Variants in VPS13B observed in about 807,000 individuals in gnomAD.
The protein encoded by VPS13B is vacuolar protein sorting 13 homolog B.
A neutral mutation model predicts 426.4 loss-of-function variants in VPS13B; 285 were observed. The ratio of observed to expected loss-of-function variants is 0.67; its 90% CI spans 0.61 to 0.74. The LOEUF (loss-of-function observed/expected upper bound fraction) is 0.74, where lower values mean the gene tolerates loss of function less well. Ranked by LOEUF, VPS13B falls within the 30% of genes least tolerant of loss-of-function variation. The pLI, the probability that VPS13B is intolerant of heterozygous loss-of-function variation, is 0.00. For missense variants in VPS13B, 4,537 were observed against 4,782.6 expected, an observed-to-expected ratio of 0.95 and a Z score of 1.51; for synonymous variants, 1,676 against 1,676.4, an observed-to-expected ratio of 1.00 and a Z score of 0.01.
intron 19 of VPS13B, among the ~76,000 whole-genome samples, chr8:99,382,336 T>C (rs1813859557): frequency 6.6e-6 from 1 of 152,158 alleles, no homozygotes; most frequent in African/African-American, 2.4e-5. Flanking sequence ...TATGAATTTT[T>C]AAATAGTTTT....
intron 25 of VPS13B, among the ~76,000 whole-genome samples, chr8:99,492,350 C>T (rs1393384776): frequency 6.6e-6 from 1 of 152,216 alleles, no homozygotes; most frequent in Non-Finnish European, 1.5e-5. Context: ...GGCAGTCTGT[C>T]CGTTCTCAGA....
chr8:99,643,578 AG>A (rs1057321825), intron 34 of VPS13B, among the ~76,000 whole-genome samples: 6 of 152,216 alleles, frequency 3.9e-5, no homozygotes, highest in Admixed American at 3.3e-4. Context: ...GGAGTAACCT[AG>A]GGTTACCCCC....
intron 35 of VPS13B, among the ~76,000 whole-genome samples, chr8:99,683,236 G>C (rs781366248): frequency 6.6e-6 from 1 of 152,090 alleles, no homozygotes; most frequent in East Asian, 1.9e-4. Context: ...AAACTATACT[G>C]TCTTGATCTT....
chr8:99,628,787 T>C (rs1828718824), intron 33 of VPS13B, among the ~76,000 whole-genome samples: 1 of 152,014 alleles, frequency 6.6e-6, no homozygotes, highest in African/African-American at 2.4e-5. Flanking sequence ...TTTTTTTTTT[T>C]TAAGGGGGCA....
At position 99,688,735 on chromosome 8, in the gene VPS13B, A is replaced by G. The variant is rs561034822; in HGVS notation, c.6047-10790A>G. ...TAAAGGTTATCTGAAAATCACTGAC[A>G]TGTGGCAGATTGATTAATAGAAAAG... is the stretch of plus-strand genomic sequence containing the variant. On this transcript the variant is annotated intron_variant, in intron 35 of 61. Coordinates refer to ENST00000357162, the MANE Select transcript of VPS13B (RefSeq NM_152564.5). 3.3e-5 allele frequency among the ~76,000 whole-genome samples: 5 copies of G among 152,214 alleles called. No individual in the cohort carries two copies. The South Asian group carries it at 1.0e-3, about 32-fold the overall frequency.
chr8:99,819,565 T>G lies in VPS13B; in HGVS notation c.8775T>G (p.Asn2925Lys). Residue 2925 changes from asparagine to lysine, a missense_variant, in exon 48 of 62, where the codon AAT becomes AAG. By Grantham distance (94) the Asn-to-Lys change is moderately conservative. This residue lies in a region of VPS13B where 4,311 missense variants were observed against 4,474.3 expected (regional missense o/e 0.96). Coordinates refer to ENST00000357162, the MANE Select transcript of VPS13B (RefSeq NM_152564.5). ...EKSLQPIWPY[N>K]KKDSDRNEQL... ...CGCTTCAACCCATATGGCCCTATAA[T>G]AAGAAGGATTCTGACAGGTAATATT... 6.2e-7 allele frequency: 1 copy of G among 1,613,724 alleles called. No individual in the cohort carries two copies. Among genetic ancestry groups the G allele is most frequent in the Non-Finnish European group, 8.5e-7 (1 of 1,179,826 alleles).
chr8:99,717,519 T>C (rs768067228), intron 37 of VPS13B, 146 bp downstream of exon 37: 12 of 775,596 alleles, frequency 1.5e-5, no homozygotes, highest in Non-Finnish European at 2.4e-5. Flanking sequence ...AACAACTTTA[T>C]TGAGATATAA....
intron 25 of VPS13B, among the ~76,000 whole-genome samples, chr8:99,498,084 A>G (rs1257899135): frequency 5.3e-5 from 8 of 152,150 alleles, no homozygotes; most frequent in Non-Finnish European, 1.2e-4. Flanking sequence ...CAAAATATTC[A>G]TATAAAAATG....
At chr8:99,696,361 G>A in intron 35 of VPS13B, 1 of 296,516 alleles carries the variant, frequency 3.4e-6, no homozygotes, top group Non-Finnish European at 6.7e-6. Flanking sequence ...CTACTGCCTT[G>A]GCTTCTGCCT....
intron 19 of VPS13B, among the ~76,000 whole-genome samples, chr8:99,360,113 T>TC (rs1397452673): frequency 1.3e-5 from 2 of 149,460 alleles, no homozygotes; most frequent in Non-Finnish European, 3.0e-5. Context: ...GTTTTTTTTT[T>TC]TTCCTTATCT....
intron 35 of VPS13B, among the ~76,000 whole-genome samples, chr8:99,682,590 A>G (rs1831197570): frequency 6.6e-6 from 1 of 152,020 alleles, no homozygotes; most frequent in Non-Finnish European, 1.5e-5. Context: ...TTTTGGTATC[A>G]TGTATAAGAG....
At chr8:99,047,675 T>C (rs1843304120) in intron 3 of VPS13B, among the ~76,000 whole-genome samples, 2 of 151,898 alleles carry the variant, frequency 1.3e-5, no homozygotes, top group African/African-American at 4.8e-5. Flanking sequence ...GCTATGAACT[T>C]TCTTTCTTTC....
At chr8:99,874,566 C>A (rs1470924281) in intron 61 of VPS13B, among the ~76,000 whole-genome samples, 1 of 152,028 alleles carries the variant, frequency 6.6e-6, no homozygotes, top group African/African-American at 2.4e-5. Context: ...GCAAAAACCA[C>A]GGAAAGTTTG....
intron 20 of VPS13B, among the ~76,000 whole-genome samples, chr8:99,386,378 G>T (rs989186874): frequency 6.6e-6 from 1 of 152,114 alleles, no homozygotes; most frequent in Non-Finnish European, 1.5e-5. Context: ...TTTTGTTGTT[G>T]TGCAAACATC....
intron 39 of VPS13B, among the ~76,000 whole-genome samples, chr8:99,730,447 T>C (rs529273159): frequency 5.5e-4 from 84 of 152,258 alleles, no homozygotes; most frequent in Middle Eastern, 3.4e-3. Context: ...CTCCTTTTTT[T>C]AGACAAAGAA....
At chr8:99,515,302 A>G (rs1821998214) in intron 29 of VPS13B, among the ~76,000 whole-genome samples, 1 of 152,116 alleles carries the variant, frequency 6.6e-6, no homozygotes, top group Admixed American at 6.6e-5. Context: ...AACTAGGAAA[A>G]TCCCTCAACT....
At chr8:99,025,264 C>G (rs545855360) in intron 2 of VPS13B, among the ~76,000 whole-genome samples, 1 of 151,862 alleles carries the variant, frequency 6.6e-6, no homozygotes, top group East Asian at 1.9e-4. Context: ...AATTTTGATC[C>G]CTGTTTCAAA....
chr8:99,791,459 G>A (rs78572461), intron 43 of VPS13B, among the ~76,000 whole-genome samples: 1 of 152,120 alleles, frequency 6.6e-6, no homozygotes, highest in African/African-American at 2.4e-5. Flanking sequence ...GTGATGGGCA[G>A]CTCTTGGCTA....
At chr8:99,110,276 C>T (rs1236498618) in intron 5 of VPS13B, among the ~76,000 whole-genome samples, 1 of 152,096 alleles carries the variant, frequency 6.6e-6, no homozygotes, top group Non-Finnish European at 1.5e-5. Context: ...AACTTAAAAT[C>T]ACTGGGCAAG....
Sources: gnomAD v4.1 joint callset for allele counts (sites outside exome capture counted in the v4.1 genomes callset) on GRCh38, gnomAD v4.1.1 for gene constraint, gnomAD v4.1.1 regional missense constraint, MANE v1.5 for transcripts, NCBI Gene and HGNC (gene_info 2026-07-23, HGNC 2026-07-21) for gene names.